The following TAB2 variants were observed in gnomAD, a reference collection of about 807,000 sequenced individuals.
TAB2 encodes the protein TGF-beta-activated kinase 1 and MAP3K7-binding protein 2.
Under a neutral mutation model 65.0 loss-of-function variants are expected in TAB2, and 3 were observed. That is an observed-to-expected ratio of 0.05 (90% CI 0.02 to 0.12). The LOEUF is 0.12. Among genes scored for constraint, TAB2 ranks in the 10% least tolerant of loss-of-function variants. The pLI is 1.00. For synonymous variants in TAB2, 298 were observed against 285.1 expected, an observed-to-expected ratio of 1.05 and a Z score of -0.46; for missense variants, 623 against 840.3, an observed-to-expected ratio of 0.74 and a Z score of 3.20.
chr6:149,397,027 CT>C (rs1782195362), intron 3 of TAB2, among the ~76,000 whole-genome samples: 1 of 152,178 alleles, frequency 6.6e-6, no homozygotes, highest in Non-Finnish European at 1.5e-5. Context: ...AGACGAAAAC[CT>C]TTAGAGAAGC....
At chr6:149,271,106 G>A (rs1483983340) in intron 1 of TAB2, among the ~76,000 whole-genome samples, 1 of 152,032 alleles carries the variant, frequency 6.6e-6, no homozygotes, top group Non-Finnish European at 1.5e-5. Flanking sequence ...TACTTGGGAG[G>A]CTTAGGTAAG....
At chr6:149,296,908 C>A in intron 1 of TAB2, among the ~76,000 whole-genome samples, 1 of 152,114 alleles carries the variant, frequency 6.6e-6, no homozygotes, top group East Asian at 1.9e-4. Flanking sequence ...GTTATAATAT[C>A]TTCTATTTTT....
chr6:149,225,953 A>G (rs972281739), intron 1 of TAB2, among the ~76,000 whole-genome samples: 83 of 152,152 alleles, frequency 5.5e-4, no homozygotes, highest in African/African-American at 1.8e-3. Context: ...ACAAGCAGAC[A>G]TGAGGCCCAG....
intron 1 of TAB2, chr6:149,243,805 T>A (rs1354783150): frequency 1.3e-5 from 2 of 152,208 alleles, no homozygotes; most frequent in African/African-American, 4.8e-5. Context: ...TGGGGAGAAG[T>A]GATTGAAGGT....
At chr6:149,257,649 C>T (rs555933885) in intron 1 of TAB2, 2 of 152,130 alleles carry the variant, frequency 1.3e-5, no homozygotes, top group Admixed American at 6.5e-5. Context: ...GTCAGTAATG[C>T]TAATAATAAT....
In TAB2 at chr6:149,410,805, G is replaced by A. The variant is rs1782831514; in HGVS notation, c.*1086G>A. ...CAACAAGGTTAAGCTTCATCTGCTT[G>A]GTGTCCCACAGAACTTGCACAAGCA... On this transcript the variant is annotated 3_prime_UTR_variant, in exon 7 of 7. Coordinates refer to ENST00000637181, the MANE Select transcript of TAB2 (RefSeq NM_001292034.3). The A allele has an allele frequency of 6.6e-6, 1 of 152,390 alleles. No homozygotes were observed. The highest frequency in any genetic ancestry group is 2.1e-4 in the South Asian group (1 of 4,834). 9.4% of individuals were successfully genotyped at this position (152,390 alleles called of 1,614,324 possible). A position where few individuals can be genotyped will look rare whatever the true frequency, so the allele number is the denominator to read the frequency against.
chr6:149,318,329 G>A (rs1779325157), intron 1 of TAB2, among the ~76,000 whole-genome samples: 1 of 152,078 alleles, frequency 6.6e-6, no homozygotes, highest in African/African-American at 2.4e-5. Context: ...CCCGGGTGGG[G>A]GAGGGCGCAA....
intron 1 of TAB2, chr6:149,246,457 CT>C (rs1777719990): frequency 2.0e-5 from 3 of 152,226 alleles, no homozygotes; most frequent in African/African-American, 7.2e-5. Context: ...CGAAACAAAG[CT>C]TTTTCTAAAA....
At chr6:149,228,641 G>A (rs1039580015) in intron 1 of TAB2, among the ~76,000 whole-genome samples, 3 of 152,208 alleles carry the variant, frequency 2.0e-5, no homozygotes, top group Non-Finnish European at 2.9e-5. Flanking sequence ...GCCCCCTAAC[G>A]ATTCAGGCAC....
At chr6:149,293,204 A>G (rs577916693) in intron 1 of TAB2, among the ~76,000 whole-genome samples, 2 of 152,050 alleles carry the variant, frequency 1.3e-5, no homozygotes, top group Non-Finnish European at 2.9e-5. Flanking sequence ...ATGTGGGGGG[A>G]AGTGTAAATG....
At chr6:149,265,544 G>C (rs1313082328) in intron 1 of TAB2, among the ~76,000 whole-genome samples, 1 of 152,018 alleles carries the variant, frequency 6.6e-6, no homozygotes, top group Non-Finnish European at 1.5e-5. Context: ...GCTTCCTTAA[G>C]CTTCCTTGGC....
At chr6:149,229,592 CG>C (rs1333408380) in intron 1 of TAB2, among the ~76,000 whole-genome samples, 1 of 152,042 alleles carries the variant, frequency 6.6e-6, no homozygotes, top group Non-Finnish European at 1.5e-5. Context: ...TGAGGGTCAC[CG>C]GATCCTGCAC....
At chr6:149,361,369 G>T (rs1420621962) in intron 1 of TAB2, among the ~76,000 whole-genome samples, 2 of 152,186 alleles carry the variant, frequency 1.3e-5, no homozygotes, top group Non-Finnish European at 2.9e-5. Flanking sequence ...AAGGTTTAAG[G>T]TGGCATACAT....
chr6:149,230,097 CCT>C (rs1157086886), intron 1 of TAB2: 1 of 152,140 alleles, frequency 6.6e-6, no homozygotes. Flanking sequence ...ATCTCAGCTC[CCT>C]CTCTCTTCTT....
intron 6 of TAB2, chr6:149,400,724 C>A: frequency 6.3e-7 from 1 of 1,585,962 alleles, no homozygotes; most frequent in Non-Finnish European, 8.6e-7. Context: ...TCTTTAAAGA[C>A]CAAGATTACT....
chr6:149,219,074 G>C (rs1488395695), intron 1 of TAB2, among the ~76,000 whole-genome samples: 1 of 152,160 alleles, frequency 6.6e-6, no homozygotes, highest in Non-Finnish European at 1.5e-5. Flanking sequence ...CACTTACTCA[G>C]TTACTAATTA....
At chr6:149,285,934 C>T (rs775002687) in intron 1 of TAB2, among the ~76,000 whole-genome samples, 1 of 152,256 alleles carries the variant, frequency 6.6e-6, no homozygotes, top group Non-Finnish European at 1.5e-5. Flanking sequence ...GCTCTGAGAA[C>T]GCACGTTGAG....
chr6:149,279,259 T>A (rs1778530364), intron 1 of TAB2, among the ~76,000 whole-genome samples: 1 of 152,222 alleles, frequency 6.6e-6, no homozygotes, highest in Admixed American at 6.5e-5. Context: ...ACTTGCTCCA[T>A]GTGGTTTCAG....
Position 149,379,270 on chromosome 6 carries a change from G to C in TAB2, c.1355G>C (p.Arg452Pro). The C allele has an allele frequency of 1.9e-6, 3 of 1,614,110 alleles. No individual in the cohort carries two copies. The highest frequency in any genetic ancestry group is 2.5e-6 in the Non-Finnish European group (3 of 1,180,034). The part of the protein sequence containing the change: ...AIGNNSATSP[R>P]VVVTQPNTKY... The stretch of plus-strand genomic sequence containing the variant: ...GGCAATAACTCTGCAACCTCTCCTC[G>C]AGTGGTAGTCACTCAGCCCAATACG... The change falls in exon 3 of 7, where the codon CGA (arginine) becomes CCA (proline). Residue 452 changes from arginine to proline, a missense_variant. Physicochemically the swap from Arg to Pro is moderately radical, Grantham distance 103. Coordinates refer to ENST00000637181, the MANE Select transcript of TAB2 (RefSeq NM_001292034.3).
Sources: allele counts gnomAD v4.1 joint callset (sites outside exome capture counted in the v4.1 genomes callset), GRCh38; gene constraint gnomAD v4.1.1; transcripts MANE v1.5; gene names NCBI Gene and HGNC (gene_info 2026-07-23, HGNC 2026-07-21).